CHD2: variants seen among roughly 807,000 people sequenced by gnomAD.
CHD2 encodes ATP-dependent chromatin remodeler CHD2.
Under a neutral mutation model 243.9 loss-of-function variants are expected in CHD2, and 28 were observed. The ratio of observed to expected loss-of-function variants is 0.11; its 90% CI spans 0.09 to 0.16. The LOEUF (loss-of-function observed/expected upper bound fraction) is 0.16. Among genes scored for constraint, CHD2 ranks in the 10% least tolerant of loss-of-function variants. The pLI is 1.00. For synonymous variants in CHD2, 775 were observed against 779.0 expected, an observed-to-expected ratio of 0.99 and a Z score of 0.09; for missense variants, 1,386 against 2,209.8, an observed-to-expected ratio of 0.63 and a Z score of 7.47.
At chr15:93,022,186 A>G (rs2054542293) in intron 38 of CHD2, 1 of 152,192 alleles carries the variant, frequency 6.6e-6, no homozygotes, top group South Asian at 2.1e-4. Flanking sequence ...AGGCTGTACA[A>G]GCATAGCACC....
intron 35 of CHD2, among the ~76,000 whole-genome samples, chr15:93,010,033 T>TC (rs899032588): frequency 6.6e-6 from 1 of 152,152 alleles, no homozygotes; most frequent in Non-Finnish European, 1.5e-5. Context: ...TCAGCCCCCT[T>TC]CCCCCCAGAG....
intron 2 of CHD2, among the ~76,000 whole-genome samples, chr15:92,922,846 G>A (rs1160948431): frequency 1.3e-5 from 2 of 152,068 alleles, no homozygotes; most frequent in African/African-American, 4.8e-5. Context: ...CACCATTAGA[G>A]GAAGATGAGG....
At chr15:93,006,634 T>C (rs1290529208) in intron 34 of CHD2, among the ~76,000 whole-genome samples, 2 of 152,212 alleles carry the variant, frequency 1.3e-5, no homozygotes, top group Non-Finnish European at 2.9e-5. Flanking sequence ...TATTTAAAAA[T>C]AAGGTGAAGA....
intron 4 of CHD2, among the ~76,000 whole-genome samples, chr15:92,928,175 C>G (rs976044511): frequency 1.3e-5 from 2 of 152,148 alleles, no homozygotes; most frequent in African/African-American, 4.8e-5. Flanking sequence ...TCTAATTCAC[C>G]CTAACATCTG....
chr15:92,996,834 TC>T, intron 28 of CHD2, 122 bp from the exon 29 acceptor site: 1 of 956,350 alleles, frequency 1.0e-6, no homozygotes, highest in Admixed American at 3.4e-5. Flanking sequence ...GATTATATCT[TC>T]AAAATAACAA....
At chr15:92,965,578 A>AAAAC (rs1310478352) in intron 16 of CHD2, among the ~76,000 whole-genome samples, 2 of 38,886 alleles carry the variant, frequency 5.1e-5, no homozygotes, top group African/African-American at 8.6e-5. Flanking sequence ...AAAAAAAAAA[A>AAAAC]AAAAAAAAAA....
At chr15:92,949,300 C>A in intron 13 of CHD2, 1 of 1,192,940 alleles carries the variant, frequency 8.4e-7, no homozygotes. Flanking sequence ...TACTTTATTT[C>A]ATTATTTGGT....
At chr15:93,022,061 C>T (rs771695802) in intron 38 of CHD2, 6 of 152,174 alleles carry the variant, frequency 3.9e-5, no homozygotes, top group Non-Finnish European at 8.8e-5. Flanking sequence ...GATTGCCCAC[C>T]CCCAAGGTAA....
chr15:93,020,571 A>ACT, intron 38 of CHD2: 1 of 543,706 alleles, frequency 1.8e-6, no homozygotes, highest in Non-Finnish European at 3.3e-6. Context: ...TGTCAGCCAC[A>ACT]CTAGGTATCA....
intron 37 of CHD2, among the ~76,000 whole-genome samples, chr15:93,016,195 G>A (rs1050979243): frequency 5.3e-5 from 8 of 152,284 alleles, no homozygotes; most frequent in African/African-American, 1.4e-4. Flanking sequence ...AAATCCTGTC[G>A]TTCGCAACAA....
At chr15:92,955,783 G>A (rs993879043) in intron 15 of CHD2, among the ~76,000 whole-genome samples, 2 of 152,180 alleles carry the variant, frequency 1.3e-5, no homozygotes, top group South Asian at 2.1e-4. Flanking sequence ...GGGACCTTAG[G>A]TCACCAAGTC....
intron 8 of CHD2, among the ~76,000 whole-genome samples, chr15:92,942,414 T>TG (rs2053397528): frequency 1.3e-5 from 2 of 151,828 alleles, no homozygotes; most frequent in Non-Finnish European, 2.9e-5. Context: ...GCTTTTTTTT[T>TG]TTTTTCTTTT....
At chr15:92,917,144 G>A (rs530243369) in intron 2 of CHD2, among the ~76,000 whole-genome samples, 3 of 152,164 alleles carry the variant, frequency 2.0e-5, no homozygotes, top group Middle Eastern at 6.8e-3. Flanking sequence ...TTCCCAGTCC[G>A]TCTGGGAAAC....
intron 5 of CHD2, among the ~76,000 whole-genome samples, chr15:92,932,223 A>G (rs2053181955): frequency 6.6e-6 from 1 of 151,248 alleles, no homozygotes; most frequent in East Asian, 1.9e-4. Context: ...AAAGTCTTTC[A>G]TAATATTTTT....
chr15:92,929,399 A>G (rs992931483), intron 5 of CHD2, among the ~76,000 whole-genome samples: 1 of 152,216 alleles, frequency 6.6e-6, no homozygotes, highest in Non-Finnish European at 1.5e-5. Context: ...AAATATGTAT[A>G]AATAACAAGT....
intron 2 of CHD2, among the ~76,000 whole-genome samples, chr15:92,915,713 C>G (rs1469964644): frequency 6.6e-6 from 1 of 152,118 alleles, no homozygotes; most frequent in Non-Finnish European, 1.5e-5. Flanking sequence ...TTGAAATTTT[C>G]TTTTTGATAT....
At chr15:92,958,053 G>C (rs773381044) in intron 16 of CHD2, among the ~76,000 whole-genome samples, 2 of 152,086 alleles carry the variant, frequency 1.3e-5, no homozygotes, top group Non-Finnish European at 2.9e-5. Flanking sequence ...TGGACATTTG[G>C]ATTGCTTTGT....
At chr15:92,904,386 G>A in intron 2 of CHD2, 2 of 949,470 alleles carry the variant, frequency 2.1e-6, no homozygotes, top group Non-Finnish European at 2.5e-6. Context: ...GCCCCGTGAC[G>A]TCAGACGGCT....
At chr15:92,923,504 C>A (rs1299542442) in intron 2 of CHD2, among the ~76,000 whole-genome samples, 1 of 151,768 alleles carries the variant, frequency 6.6e-6, no homozygotes, top group Non-Finnish European at 1.5e-5. Context: ...AAGCAATCTT[C>A]CTGCCTAGGC....
Sources: allele counts gnomAD v4.1 joint callset (sites outside exome capture counted in the v4.1 genomes callset), GRCh38; gene constraint gnomAD v4.1.1; transcripts MANE v1.5; gene names NCBI Gene and HGNC (gene_info 2026-07-23, HGNC 2026-07-21).